FABP5: variants seen among roughly 807,000 people sequenced by gnomAD.
FABP5 encodes the protein fatty acid-binding protein 5.
FABP5 carries 7 observed loss-of-function variants against 16.9 expected under a neutral mutation model. The ratio of observed to expected loss-of-function variants is 0.41; its 90% CI spans 0.24 to 0.78. The LOEUF (loss-of-function observed/expected upper bound fraction) is 0.78. Ranked by LOEUF, FABP5 falls within the 30% of genes least tolerant of loss-of-function variation. The pLI, the probability that FABP5 is intolerant of heterozygous loss-of-function variation, is 0.30. For synonymous variants in FABP5, 37 were observed against 52.8 expected (o/e 0.70, Z 1.30); for missense variants, 119 against 159.5 (o/e 0.75, Z 1.37).
At position 81,281,213 on chromosome 8, in the gene FABP5, A is replaced by T. The variant is rs1020312470; in HGVS notation, c.79+539A>T. ...GTCACCCTCCGTTTTCTTCATGGGG[A>T]CGCGGTGCTGGCGCGCAGTTTCCCG... On this transcript the variant is annotated intron_variant, in intron 1 of 3. Transcript: ENST00000297258. This position sits in a 1 kb window ranked among gnomAD's most constrained non-coding sequence, Gnocchi z 4.5. 7 of 431,766 alleles carry T rather than the reference A, an allele frequency of 1.6e-5. No individual in the cohort carries two copies. The highest frequency in any genetic ancestry group is 1.3e-4 in the African/African-American group (6 of 46,154). 26.7% of individuals were successfully genotyped at this position (431,766 alleles called of 1,614,324 possible).
chr8:81,282,772 T>C (rs1212796960), intron 1 of FABP5, among the ~76,000 whole-genome samples: 1 of 152,204 alleles, frequency 6.6e-6, no homozygotes, highest in Admixed American at 6.5e-5. Context: ...GCTATTTGAA[T>C]ATCTCAGGAT....
intron 1 of FABP5, 145 bp downstream of exon 1, chr8:81,280,819 C>G: frequency 2.7e-6 from 2 of 733,466 alleles, no homozygotes; most frequent in Non-Finnish European, 2.3e-6. Flanking sequence ...ACCACGCGGC[C>G]GTTGGGTGCA....
At position 81,283,434 on chromosome 8, in the gene FABP5, A is replaced by G; in HGVS notation, c.148A>G (p.Lys50Glu). The G allele has an allele frequency of 1.9e-6, 3 of 1,612,110 alleles. No homozygotes were observed. The highest frequency in any genetic ancestry group is 1.7e-6 in the Non-Finnish European group (2 of 1,178,658). Residue 50 changes from lysine to glutamate, a missense_variant, in exon 2 of 4, where the codon AAA becomes GAA. Physicochemically the swap from Lys to Glu is moderately conservative, Grantham distance 56. Transcript: ENST00000297258. ...AGATTGTATCATCACTTGTGATGGT[A>G]AAAACCTCACCATAAAAACTGAGAG... ...KPDCIITCDG[K>E]NLTIKTESTL...
At chr8:81,283,811 A>G in intron 2 of FABP5, 62 bp from the exon 3 acceptor site, 1 of 1,328,742 alleles carries the variant, frequency 7.5e-7, no homozygotes, top group Non-Finnish European at 1.1e-6. Context: ...TAAGGAGGTT[A>G]TGAGTCATGG....
chr8:81,283,798 G>A lies in FABP5; in HGVS notation c.253-75G>A, dbSNP rs1156884170. On this transcript the variant is annotated intron_variant, in intron 2 of 3. Transcript: ENST00000297258. ...GAAAGGAGAAGGTGAAACAAATGTT[G>A]ATTAAGGAGGTTATGAGTCATGGAA... 3 of 1,203,150 alleles carry A rather than the reference G, an allele frequency of 2.5e-6. No homozygotes were observed. In the East Asian group the frequency reaches 7.6e-5, roughly 31 times the overall value. 74.5% of individuals were successfully genotyped at this position (1,203,150 alleles called of 1,614,324 possible).
At position 81,284,520 on chromosome 8, in the gene FABP5, G is replaced by A. The variant is rs780969092; in HGVS notation, c.361G>A (p.Val121Ile). The stretch of plus-strand genomic sequence containing the variant: ...ATATCTTTCCTTCTTCTAGGAGTGT[G>A]TCATGAACAATGTCACCTGTACTCG... ...LKDGKLVVEC[V>I]MNNVTCTRIY... is the part of the protein sequence containing the mutation. The change falls in exon 4 of 4, where the codon GTC (valine) becomes ATC (isoleucine). Residue 121 changes from valine (V) to isoleucine (I), a missense_variant. By Grantham distance (29) the Val-to-Ile change is conservative. Coordinates refer to ENST00000297258, the MANE Select transcript of FABP5 (RefSeq NM_001444.3). 16 of 1,601,494 alleles carry A rather than the reference G, an allele frequency of 1.0e-5. 1 individual carries two copies. In the South Asian group the frequency reaches 1.7e-4, roughly 17 times the overall value.
In FABP5 at chr8:81,281,067, T is replaced by G. The variant is rs1209895324; in HGVS notation, c.79+393T>G. ...CCAGGCGACCCTGTATTTCCCTTTT[T>G]TCCCCCTTTACTCATCCTTCCCCTT... On this transcript the variant is annotated intron_variant, in intron 1 of 3. Transcript: ENST00000297258. The surrounding 1 kb of genome is among the most constrained non-coding windows in gnomAD (Gnocchi z 4.5). The G allele has an allele frequency of 1.1e-5, 2 of 180,148 alleles. No individual in the cohort carries two copies. Among genetic ancestry groups the G allele is most frequent in the Non-Finnish European group, 1.2e-5 (1 of 86,142 alleles). 11.2% of individuals were successfully genotyped at this position (180,148 alleles called of 1,614,324 possible). A position where few individuals can be genotyped will look rare whatever the true frequency, so the allele number is the denominator to read the frequency against.
At chr8:81,282,032 A>G (rs1807840666) in intron 1 of FABP5, among the ~76,000 whole-genome samples, 2 of 152,180 alleles carry the variant, frequency 1.3e-5, no homozygotes, top group Non-Finnish European at 2.9e-5. Context: ...TGTGGTGTTA[A>G]GGCTGGTTTA....
rs150115859 is a variant in FABP5 at position 81,283,487 on chromosome 8, T to C, written c.201T>C (p.Cys67=). The C allele has an allele frequency of 3.1e-6, 5 of 1,613,206 alleles. No homozygotes were observed. In the African/African-American group the frequency reaches 6.7e-5, roughly 22 times the overall value. The stretch of plus-strand genomic sequence containing the variant: ...CTTTGAAAACAACACAGTTTTCTTG[T>C]ACCCTGGGAGAGAAGTTTGAAGAAA... ...ESTLKTTQFS[C]TLGEKFEETT... Residue 67 remains cysteine, a synonymous_variant, in exon 2 of 4, where the codon TGT becomes TGC. Coordinates refer to ENST00000297258, the MANE Select transcript of FABP5 (RefSeq NM_001444.3).
chr8:81,281,042 C>A lies in FABP5; in HGVS notation c.79+368C>A. On this transcript the variant is annotated intron_variant, in intron 1 of 3. Coordinates refer to ENST00000297258, the MANE Select transcript of FABP5 (RefSeq NM_001444.3). This position sits in a 1 kb window ranked among gnomAD's most constrained non-coding sequence, Gnocchi z 4.5. ...CACGCTGCACTTCTTTCGACCCCCTCCAGGCGACCCTGTATTTCCCTTTTT... is the reference window on the plus strand; with the variant it reads ...CACGCTGCACTTCTTTCGACCCCCTACAGGCGACCCTGTATTTCCCTTTTT... 1 of 214,798 alleles carries A rather than the reference C, an allele frequency of 4.7e-6. No homozygotes were observed. The highest frequency in any genetic ancestry group is 1.2e-4 in the East Asian group (1 of 8,408). 13.3% of individuals were successfully genotyped at this position (214,798 alleles called of 1,614,324 possible).
At position 81,280,563 on chromosome 8, in the gene FABP5, C is replaced by T. The variant is rs762693488; in HGVS notation, c.-33C>T. On this transcript the variant is annotated 5_prime_UTR_variant, in exon 1 of 4. Coordinates refer to ENST00000297258, the MANE Select transcript of FABP5 (RefSeq NM_001444.3). ...AGCACGCTGCCACGCCGACGCAGAC[C>T]CCTCTCTGCACGCCAGCCCGCCCGC... is the stretch of plus-strand genomic sequence containing the variant. 5.2e-6 allele frequency: 8 copies of T among 1,545,606 alleles called. No individual in the cohort carries two copies. The highest frequency in any genetic ancestry group is 2.5e-5 in the East Asian group (1 of 40,810).
Position 81,281,162 on chromosome 8 carries a change from C to T in FABP5, c.79+488C>T, listed in dbSNP as rs995507907. The T allele has an allele frequency of 5.3e-5, 10 of 188,388 alleles. No homozygotes were observed. Among genetic ancestry groups the T allele is most frequent in the Non-Finnish European group, 7.9e-5 (8 of 100,804 alleles). 11.7% of individuals were successfully genotyped at this position (188,388 alleles called of 1,614,324 possible). On this transcript the variant is annotated intron_variant, in intron 1 of 3. Transcript: ENST00000297258. This position sits in a 1 kb window ranked among gnomAD's most constrained non-coding sequence, Gnocchi z 4.5. ...CCCACTCCCCTTTCCCTCCCTGTCG[C>T]ATCTTTTGTTCCCTGTGGCGCGCAG...
At position 81,281,928 on chromosome 8, in the gene FABP5, G is replaced by A. The variant is rs1807837913; in HGVS notation, c.79+1254G>A. 6.6e-6 allele frequency among the ~76,000 whole-genome samples: 1 copy of A among 152,092 alleles called. No individual in the cohort carries two copies. The highest frequency in any genetic ancestry group is 1.5e-5 in the Non-Finnish European group (1 of 68,018). On this transcript the variant is annotated intron_variant, in intron 1 of 3. Coordinates refer to ENST00000297258, the MANE Select transcript of FABP5 (RefSeq NM_001444.3). This position sits in a 1 kb window ranked among gnomAD's most constrained non-coding sequence, Gnocchi z 4.5. ...GGTATCCACAAATGTTAACCCGGTT[G>A]CTCGCTGGTGAAATAACTACCGTGA... is the stretch of plus-strand genomic sequence containing the variant.
intron 1 of FABP5, 121 bp downstream of exon 1, chr8:81,280,795 C>T (rs1807815294): frequency 1.1e-6 from 1 of 876,954 alleles, no homozygotes; most frequent in African/African-American, 1.7e-5. Context: ...CCCCCATCCC[C>T]TCCCATCTTC....
At chr8:81,283,733 A>G in intron 2 of FABP5, 140 bp from the exon 3 acceptor site, 1 of 925,458 alleles carries the variant, frequency 1.1e-6, no homozygotes, top group Non-Finnish European at 1.6e-6. Flanking sequence ...ACCACAAACT[A>G]TTGTGAATAA....
At position 81,284,612 on chromosome 8, in the gene FABP5, C is replaced by T. The variant is rs750855496; in HGVS notation, c.*45C>T. On this transcript the variant is annotated 3_prime_UTR_variant, in exon 4 of 4. Coordinates refer to ENST00000297258, the MANE Select transcript of FABP5 (RefSeq NM_001444.3). Reference sequence around the variant, plus strand: ...GACAGGAGTTAATTAAGAGAATGACCAAGCTCAGTTCAATGAGCAAATCTC... The same window carrying T: ...GACAGGAGTTAATTAAGAGAATGACTAAGCTCAGTTCAATGAGCAAATCTC... 9 of 1,133,064 alleles carry T rather than the reference C, an allele frequency of 7.9e-6. No individual in the cohort carries two copies. In the Admixed American group the frequency reaches 1.4e-4, roughly 17 times the overall value. The allele number at this position is 1,133,064 out of a possible 1,614,324, so 70.2% of individuals were successfully genotyped here.
rs771704545 is a variant in FABP5 at position 81,283,857 on chromosome 8, T to G, written c.253-16T>G. The G allele has an allele frequency of 6.3e-7, 1 of 1,599,428 alleles. No homozygotes were observed. The highest frequency in any genetic ancestry group is 1.1e-5 in the South Asian group (1 of 89,512). ...AATGTACTTGGAAGATTAAAACGTT[T>G]ACTTTGTTTTTGCAGACTGTCTGCA... On this transcript the variant is annotated splice_polypyrimidine_tract_variant and intron_variant, in intron 2 of 3. Transcript: ENST00000297258.
chr8:81,280,978 G>A, intron 1 of FABP5: 2 of 359,064 alleles, frequency 5.6e-6, no homozygotes, highest in Non-Finnish European at 1.0e-5. Flanking sequence ...CAGCCCTTCC[G>A]CATTGCTTCC....
At chr8:81,284,012 T>A (rs568779955) in intron 3 of FABP5, 38 bp downstream of exon 3, 34 of 1,432,004 alleles carry the variant, frequency 2.4e-5, no homozygotes, top group Non-Finnish European at 3.3e-5. Context: ...CAGCTTCTTG[T>A]GTGCATTCAT....
Sources: gnomAD v4.1 joint callset for allele counts (sites outside exome capture counted in the v4.1 genomes callset) on GRCh38, gnomAD v4.1.1 for gene constraint, Gnocchi (gnomAD v3.1) non-coding constraint, MANE v1.5 for transcripts, NCBI Gene and HGNC (gene_info 2026-07-23, HGNC 2026-07-21) for gene names.